The following C4orf50 variants were observed in gnomAD, a reference collection of about 807,000 sequenced individuals.
C4orf50 encodes the protein chromosome 4 open reading frame 50.
Under a neutral mutation model 77.2 loss-of-function variants are expected in C4orf50, and 80 were observed. The ratio of observed to expected loss-of-function variants is 1.04; its 90% CI spans 0.87 to 1.25. The LOEUF is 1.25. Ranked by LOEUF, C4orf50 falls within the 50% of genes most tolerant of loss-of-function variation. C4orf50 has a pLI of 0.00. For missense variants in C4orf50, 1,257 were observed against 1,152.9 expected (o/e 1.09, Z -1.31); for synonymous variants, 532 against 465.3 (o/e 1.14, Z -1.84).
intron 28 of C4orf50, among the ~76,000 whole-genome samples, chr4:5,985,046 C>T (rs184609619): frequency 4.0e-5 from 6 of 151,844 alleles, no homozygotes; most frequent in Admixed American, 1.3e-4. Flanking sequence ...GATTTCTGGA[C>T]AGAAACTATG....
chr4:5,996,801 G>C (rs990894649), intron 25 of C4orf50, among the ~76,000 whole-genome samples: 1 of 152,226 alleles, frequency 6.6e-6, no homozygotes, highest in Non-Finnish European at 1.5e-5. Context: ...CCTGGGCAGC[G>C]ACATCCTGTC....
At chr4:5,931,035 G>T (rs374047395) in intron 7 of C4orf50, among the ~76,000 whole-genome samples, 1 of 152,362 alleles carries the variant, frequency 6.6e-6, no homozygotes, top group African/African-American at 2.4e-5. Context: ...TCACATGAAA[G>T]TGGGAGAGCC....
rs115794379 is a variant in C4orf50, at chr4:5,908,712, C to T, written c.*2475-10524G>A. Among the ~76,000 whole-genome samples the T allele has an allele frequency of 0.055, 8,330 of 152,232 alleles. 290 individuals are homozygous for T. The highest frequency in any genetic ancestry group is 0.086 in the South Asian group (414 of 4,822). ...ATCCGATAGGAGAGACCAATACATA[C>T]GTGACTGCCCTTGACACCATTCACC... On this transcript the variant is annotated intron_variant, in intron 7 of 7. Coordinates refer to the C4orf50 transcript ENST00000324058. This position sits in a 1 kb window ranked among gnomAD's most constrained non-coding sequence, Gnocchi z 5.6.
At chr4:5,994,557 C>T in intron 25 of C4orf50, 81 bp from the exon 4 acceptor site, 1 of 398,494 alleles carries the variant, frequency 2.5e-6, no homozygotes. Context: ...AGGGGCCCCT[C>T]CCCAGAAGGG....
intron 7 of C4orf50, among the ~76,000 whole-genome samples, chr4:5,946,295 G>T (rs1223918426): frequency 2.6e-5 from 4 of 152,206 alleles, no homozygotes; most frequent in Non-Finnish European, 5.9e-5. Flanking sequence ...GAAAGGACTG[G>T]CAGGAGGGTT....
chr4:5,943,706 C>T (rs976788478), intron 7 of C4orf50, among the ~76,000 whole-genome samples: 2 of 152,192 alleles, frequency 1.3e-5, no homozygotes, highest in Non-Finnish European at 2.9e-5. Flanking sequence ...TATGAAGCCT[C>T]TAACACACCC....
intron 28 of C4orf50, among the ~76,000 whole-genome samples, chr4:5,984,849 C>CT (rs1347190388): frequency 7.2e-6 from 1 of 138,712 alleles, no homozygotes; most frequent in Non-Finnish European, 1.6e-5. Context: ...GTTCAAGAAG[C>CT]TAAAAAAAAA....
chr4:5,973,660 T>G (rs1720063299), exon 31 of C4orf50: 1 of 1,610,592 alleles, frequency 6.2e-7, no homozygotes, highest in African/African-American at 1.3e-5. Flanking sequence ...GGACTCTACC[T>G]CTGGGACTCC....
Position 5,936,580 on chromosome 4 carries a change from A to G in C4orf50, c.*2474+20321T>C, listed in dbSNP as rs542915996. On this transcript the variant is annotated intron_variant, in intron 7 of 7. Coordinates refer to the C4orf50 transcript ENST00000324058. ...GCCATCTCAAAAAAAAAAAAAAAAAAAAAGAAAGACAGACAGAGTTAGACA... is the reference window on the plus strand; with the variant it reads ...GCCATCTCAAAAAAAAAAAAAAAAAGAAAGAAAGACAGACAGAGTTAGACA... Among the ~76,000 whole-genome samples the G allele has an allele frequency of 4.8e-3, 710 of 147,454 alleles. 7 individuals are homozygous for G. Among genetic ancestry groups the G allele is most frequent in the Middle Eastern group, 0.018 (5 of 282 alleles).
chr4:5,970,519 C>T lies in C4orf50; in HGVS notation c.4105-3057G>A, dbSNP rs1234350020. ...CCATGGACGCTAGTGACCCGGATGG[C>T]ACAACAGCAGATGCCAGCACAGACA... On this transcript the variant is annotated intron_variant, in intron 31 of 33. Transcript: ENST00000531445. This position sits in a 1 kb window ranked among gnomAD's most constrained non-coding sequence, Gnocchi z 4.3. 6.6e-6 allele frequency among the ~76,000 whole-genome samples: 1 copy of T among 152,158 alleles called. No individual in the cohort carries two copies. The highest frequency in any genetic ancestry group is 1.5e-5 in the Non-Finnish European group (1 of 68,028).
intron 7 of C4orf50, among the ~76,000 whole-genome samples, chr4:5,928,096 A>G (rs1371793553): frequency 6.6e-6 from 1 of 152,248 alleles, no homozygotes. Context: ...ATTAAGGAAC[A>G]TAATGTTTAT....
At chr4:5,922,055 G>C (rs1251667602) in intron 7 of C4orf50, among the ~76,000 whole-genome samples, 1 of 152,206 alleles carries the variant, frequency 6.6e-6, no homozygotes, top group Non-Finnish European at 1.5e-5. Flanking sequence ...GCAGGAAAGT[G>C]ATGAGAGCCC....
At chr4:5,924,813 A>G (rs971398592) in intron 7 of C4orf50, among the ~76,000 whole-genome samples, 1 of 152,224 alleles carries the variant, frequency 6.6e-6, no homozygotes, top group Non-Finnish European at 1.5e-5. Flanking sequence ...TCAGTTGCCC[A>G]TGGAACATCC....
At chr4:5,962,993 T>C (rs1719354505) in intron 33 of C4orf50, among the ~76,000 whole-genome samples, 1 of 74,882 alleles carries the variant, frequency 1.3e-5, no homozygotes, top group African/African-American at 7.2e-5. Flanking sequence ...CTTCTTTTTT[T>C]TCTTTTCTTT....
chr4:5,989,703 G>A (rs892390528), exon 28 of C4orf50: 28 of 1,535,958 alleles, frequency 1.8e-5, no homozygotes, highest in Admixed American at 1.8e-4. Context: ...CAGTGGGTTC[G>A]GCCCCTTCAA....
chr4:5,933,978 AAG>A (rs1717886136), intron 7 of C4orf50, among the ~76,000 whole-genome samples: 2 of 152,114 alleles, frequency 1.3e-5, no homozygotes. Flanking sequence ...CAGAAGCAGG[AAG>A]AGAGAGAAGG....
chr4:5,964,977 CA>C (rs1157455920), intron 33 of C4orf50, 46 bp downstream of exon 11: 1 of 1,579,110 alleles, frequency 6.3e-7, no homozygotes, highest in Non-Finnish European at 8.6e-7. Context: ...GTTGTACTTT[CA>C]ATAACAAAGT....
chr4:5,987,757 C>G (rs939348485), intron 28 of C4orf50, among the ~76,000 whole-genome samples: 1 of 152,096 alleles, frequency 6.6e-6, no homozygotes, highest in Non-Finnish European at 1.5e-5. Context: ...AAATATCCTA[C>G]ACATGGTGAA....
At chr4:5,930,819 A>G (rs1217202525) in intron 7 of C4orf50, among the ~76,000 whole-genome samples, 1 of 152,066 alleles carries the variant, frequency 6.6e-6, no homozygotes, top group Admixed American at 6.6e-5. Context: ...GCTTAGATTC[A>G]CCTCTGCTGT....
Sources: allele counts gnomAD v4.1 joint callset (sites outside exome capture counted in the v4.1 genomes callset), GRCh38; gene constraint gnomAD v4.1.1; non-coding constraint Gnocchi (gnomAD v3.1); transcripts MANE v1.5; gene names NCBI Gene and HGNC (gene_info 2026-07-23, HGNC 2026-07-21).